The following MND1 variants were observed in gnomAD, a reference collection of about 807,000 sequenced individuals.
MND1 encodes the protein meiotic nuclear divisions 1, also known as meiotic nuclear division protein 1 homolog.
Under a neutral mutation model 35.1 loss-of-function variants are expected in MND1, and 28 were observed. That is an observed-to-expected ratio of 0.80 (90% CI 0.59 to 1.09). The LOEUF (loss-of-function observed/expected upper bound fraction) is 1.09. MND1 is among the 50% of genes least tolerant of loss of function. MND1 has a pLI of 0.00. For synonymous variants in MND1, 69 were observed against 70.5 expected, an observed-to-expected ratio of 0.98 and a Z score of 0.11; for missense variants, 213 against 239.6, an observed-to-expected ratio of 0.89 and a Z score of 0.73.
At chr4:153,385,707 C>T (rs1014395003) in intron 4 of MND1, among the ~76,000 whole-genome samples, 11 of 143,234 alleles carry the variant, frequency 7.7e-5, no homozygotes, top group Non-Finnish European at 1.7e-4. Flanking sequence ...CAGAGTGAGA[C>T]CCTGTCTCAA....
intron 6 of MND1, among the ~76,000 whole-genome samples, chr4:153,407,201 C>T (rs748642588): frequency 2.6e-5 from 4 of 152,172 alleles, no homozygotes; most frequent in African/African-American, 4.8e-5. Context: ...CGGTGGCTCA[C>T]GCCTGTAATC....
At chr4:153,382,456 T>C (rs1728737357) in intron 4 of MND1, among the ~76,000 whole-genome samples, 1 of 152,190 alleles carries the variant, frequency 6.6e-6, no homozygotes, top group Non-Finnish European at 1.5e-5. Flanking sequence ...AGGCATTACT[T>C]TGCCCTTTTA....
chr4:153,358,951 C>A (rs1773412694), intron 4 of MND1, among the ~76,000 whole-genome samples: 1 of 152,216 alleles, frequency 6.6e-6, no homozygotes. Flanking sequence ...CCCAAACGTG[C>A]CCTTTCTCCC....
intron 4 of MND1, among the ~76,000 whole-genome samples, chr4:153,367,355 G>A (rs906812215): frequency 1.3e-5 from 2 of 152,038 alleles, no homozygotes; most frequent in African/African-American, 4.8e-5. Context: ...TCTACTTTCT[G>A]TCACTGTAGA....
Position 153,414,752 on chromosome 4 carries a change from T to G in MND1, c.513T>G (p.Asp171Glu), listed in dbSNP as rs771017003. The stretch of plus-strand genomic sequence containing the variant: ...ATTATTTCTCAATTTTCTTTATAGA[T>G]AACATATTCGCAATAAAATCTTGGG... The part of the protein sequence containing the change: ...VAKEAANRWT[D>E]NIFAIKSWAK... Residue 171 changes from aspartate (D) to glutamate (E), a missense_variant and splice_region_variant, in exon 8 of 8, where the codon GAT becomes GAG. By Grantham distance (45) the Asp-to-Glu change is conservative. Coordinates refer to ENST00000240488, the MANE Select transcript of MND1 (RefSeq NM_032117.4). 2.2e-6 allele frequency: 3 copies of G among 1,353,236 alleles called. No individual in the cohort carries two copies. The highest frequency in any genetic ancestry group is 2.1e-6 in the Non-Finnish European group (2 of 975,220). 83.8% of individuals were successfully genotyped at this position (1,353,236 alleles called of 1,614,324 possible).
Position 153,408,958 on chromosome 4 carries a change from A to ATATATAT in MND1, c.467-13_467-12insTATATAT. On this transcript the variant is annotated splice_polypyrimidine_tract_variant and intron_variant, in intron 6 of 7. Coordinates refer to ENST00000240488, the MANE Select transcript of MND1 (RefSeq NM_032117.4). ...TAAATACATTTCATTTTATATATAT[A>ATATATAT]ATTTTTTTTCAGGCCAAGCAAATAA... The ATATATAT allele has an allele frequency of 4.2e-5, 50 of 1,191,758 alleles. No individual in the cohort carries two copies. Among genetic ancestry groups the ATATATAT allele is most frequent in the Non-Finnish European group, 5.0e-5 (46 of 921,932 alleles). 73.8% of individuals were successfully genotyped at this position (1,191,758 alleles called of 1,614,324 possible).
intron 6 of MND1, among the ~76,000 whole-genome samples, chr4:153,405,515 G>C (rs1378116083): frequency 6.7e-6 from 1 of 148,616 alleles, no homozygotes; most frequent in East Asian, 2.0e-4. Context: ...CAGCCTGGAC[G>C]ACAGAGCAAG....
At chr4:153,360,606 G>GTATA (rs70963165) in intron 4 of MND1, among the ~76,000 whole-genome samples, 12 of 143,418 alleles carry the variant, frequency 8.4e-5, no homozygotes, top group East Asian at 4.0e-4. Flanking sequence ...GTGTGTGTGT[G>GTATA]TATATATATA....
intron 6 of MND1, among the ~76,000 whole-genome samples, chr4:153,403,720 C>A (rs1729407473): frequency 6.6e-6 from 1 of 152,012 alleles, no homozygotes; most frequent in African/African-American, 2.4e-5. Context: ...CGTGCCTCAG[C>A]CTCCCAAGTA....
intron 2 of MND1, among the ~76,000 whole-genome samples, chr4:153,354,755 C>G (rs1424168303): frequency 6.6e-6 from 1 of 152,172 alleles, no homozygotes; most frequent in East Asian, 1.9e-4. Flanking sequence ...TCAAGCAGTC[C>G]TCCCAAAGTG....
At chr4:153,385,065 A>AC (rs1728816231) in intron 4 of MND1, among the ~76,000 whole-genome samples, 1 of 152,224 alleles carries the variant, frequency 6.6e-6, no homozygotes. Flanking sequence ...GTTGTTCATT[A>AC]CCCAGCTATA....
intron 4 of MND1, among the ~76,000 whole-genome samples, chr4:153,359,717 T>C (rs1307683663): frequency 2.0e-5 from 3 of 151,866 alleles, no homozygotes; most frequent in Admixed American, 6.6e-5. Context: ...CTAATAGATG[T>C]GTAGTGGTAT....
chr4:153,400,945 C>G (rs1229826287), intron 6 of MND1, among the ~76,000 whole-genome samples: 2 of 151,926 alleles, frequency 1.3e-5, no homozygotes, highest in African/African-American at 4.8e-5. Flanking sequence ...TAAAAAAGAC[C>G]CAGGTCAAAC....
At chr4:153,345,938 C>T (rs577708107) in intron 1 of MND1, among the ~76,000 whole-genome samples, 2 of 150,724 alleles carry the variant, frequency 1.3e-5, no homozygotes, top group African/African-American at 4.9e-5. Context: ...GCAGCTCAAA[C>T]GCGCGTTGTC....
chr4:153,385,707 C>A (rs1014395003), intron 4 of MND1, among the ~76,000 whole-genome samples: 3 of 143,234 alleles, frequency 2.1e-5, no homozygotes, highest in Non-Finnish European at 4.5e-5. Flanking sequence ...CAGAGTGAGA[C>A]CCTGTCTCAA....
At chr4:153,348,657 T>C (rs1773133249) in intron 1 of MND1, among the ~76,000 whole-genome samples, 1 of 152,074 alleles carries the variant, frequency 6.6e-6, no homozygotes, top group Non-Finnish European at 1.5e-5. Flanking sequence ...GGGTTGTTGT[T>C]TTTTTTTGTG....
intron 1 of MND1, 62 bp from the exon 2 acceptor site, chr4:153,350,002 A>G: frequency 8.4e-7 from 1 of 1,183,946 alleles, no homozygotes; most frequent in Non-Finnish European, 1.2e-6. Context: ...AAATGTTGCA[A>G]ATCCAGTTGT....
intron 6 of MND1, among the ~76,000 whole-genome samples, chr4:153,398,250 A>G (rs1204015872): frequency 6.6e-6 from 1 of 152,232 alleles, no homozygotes; most frequent in East Asian, 1.9e-4. Context: ...GAAAATATTT[A>G]TAACTTTTTA....
chr4:153,348,861 T>C (rs1238278738), intron 1 of MND1, among the ~76,000 whole-genome samples: 1 of 152,246 alleles, frequency 6.6e-6, no homozygotes, highest in Non-Finnish European at 1.5e-5. Flanking sequence ...CACTCCAGTA[T>C]GTAGCCAGAA....
Sources: gnomAD v4.1 joint callset for allele counts (sites outside exome capture counted in the v4.1 genomes callset) on GRCh38, gnomAD v4.1.1 for gene constraint, MANE v1.5 for transcripts, NCBI Gene and HGNC (gene_info 2026-07-23, HGNC 2026-07-21) for gene names.